The following GRID2 variants were observed in gnomAD, a reference collection of about 807,000 sequenced individuals.
The protein encoded by GRID2 is glutamate ionotropic receptor delta type subunit 2, also known as glutamate receptor ionotropic, delta-2.
In GRID2, 33 loss-of-function variants were observed where a neutral mutation model predicts 114.8. That is an observed-to-expected ratio of 0.29 (90% CI 0.22 to 0.38). The LOEUF (loss-of-function observed/expected upper bound fraction) is 0.38. GRID2 is among the 10% of genes least tolerant of loss of function. The pLI, the probability that GRID2 is intolerant of heterozygous loss-of-function variation, is 1.00. For missense variants in GRID2, 1,184 were observed against 1,257.7 expected (o/e 0.94, Z 0.89); for synonymous variants, 505 against 449.9 (o/e 1.12, Z -1.55).
intron 1 of GRID2, among the ~76,000 whole-genome samples, chr4:92,580,827 A>G (rs1054650827): frequency 2.6e-5 from 4 of 151,928 alleles, no homozygotes; most frequent in African/African-American, 9.7e-5. Context: ...TTCTAAAAAT[A>G]TCTGCAACTT....
chr4:92,942,229 C>A (rs1375383512), intron 2 of GRID2, among the ~76,000 whole-genome samples: 1 of 152,020 alleles, frequency 6.6e-6, no homozygotes, highest in Non-Finnish European at 1.5e-5. Context: ...TCACTAAGGA[C>A]TTGCTTTATG....
At chr4:93,463,064 T>A (rs768085364) in intron 11 of GRID2, among the ~76,000 whole-genome samples, 3 of 152,190 alleles carry the variant, frequency 2.0e-5, no homozygotes, top group Non-Finnish European at 4.4e-5. Context: ...TAATTATGAT[T>A]GGCAGTCCTT....
intron 10 of GRID2, among the ~76,000 whole-genome samples, chr4:93,445,285 C>T (rs769084911): frequency 2.0e-5 from 3 of 151,858 alleles, no homozygotes; most frequent in Admixed American, 6.6e-5. Flanking sequence ...GCTCTGGAAG[C>T]GTGATAAACC....
intron 1 of GRID2, among the ~76,000 whole-genome samples, chr4:92,443,433 G>A (rs373699037): frequency 6.6e-6 from 1 of 151,696 alleles, no homozygotes; most frequent in Non-Finnish European, 1.5e-5. Context: ...AGGGTGGAAG[G>A]TTGCCCATAG....
At chr4:92,427,238 G>C (rs11942235) in intron 1 of GRID2, among the ~76,000 whole-genome samples, 49,137 of 151,864 alleles carry the variant, frequency 0.32, 8,301 homozygotes, top group African/African-American at 0.41. Context: ...GCTTTAGTGG[G>C]TTCCAATTAT....
intron 2 of GRID2, among the ~76,000 whole-genome samples, chr4:92,878,114 G>A (rs1027417779): frequency 7.2e-5 from 11 of 152,166 alleles, no homozygotes; most frequent in Non-Finnish European, 1.5e-4. Flanking sequence ...TTCTTCTACA[G>A]AGAAGAGTTT....
At chr4:93,115,447 A>G (rs1187995320) in intron 4 of GRID2, among the ~76,000 whole-genome samples, 3 of 126,186 alleles carry the variant, frequency 2.4e-5, no homozygotes, top group Non-Finnish European at 5.2e-5. Flanking sequence ...TCTTACATAA[A>G]TAGTTATGTA....
At chr4:93,003,075 C>A (rs999179815) in intron 2 of GRID2, among the ~76,000 whole-genome samples, 1 of 151,772 alleles carries the variant, frequency 6.6e-6, no homozygotes, top group African/African-American at 2.4e-5. Context: ...CTCCACATCC[C>A]AAGAATCTTA....
At position 92,698,162 on chromosome 4, in the gene GRID2, A is replaced by T. The variant is rs562546540; in HGVS notation, c.244+107876A>T. ...TGTCTTTCTGTCTAAATGCTGCCTA[A>T]GATCCTTGGCTTGGCATATGTGACA... On this transcript the variant is annotated intron_variant, in intron 2 of 15. Transcript: ENST00000282020. Among the ~76,000 whole-genome samples, 6 of 152,244 alleles carry T rather than the reference A, an allele frequency of 3.9e-5. No homozygotes were observed. In the South Asian group the frequency reaches 1.2e-3, roughly 32 times the overall value.
chr4:93,304,164 G>A (rs1331636891), intron 8 of GRID2, among the ~76,000 whole-genome samples: 1 of 150,320 alleles, frequency 6.7e-6, no homozygotes, highest in Non-Finnish European at 1.5e-5. Flanking sequence ...GAAAACCTGT[G>A]TACTTAACTT....
intron 13 of GRID2, among the ~76,000 whole-genome samples, chr4:93,546,800 A>T (rs1733259978): frequency 2.0e-5 from 3 of 151,496 alleles, no homozygotes; most frequent in African/African-American, 7.3e-5. Context: ...CTCTATTCTA[A>T]TTTTTTTTTA....
At chr4:93,717,057 G>A (rs886461647) in intron 14 of GRID2, among the ~76,000 whole-genome samples, 5 of 151,962 alleles carry the variant, frequency 3.3e-5, no homozygotes, top group African/African-American at 1.2e-4. Context: ...AAGATTTCCT[G>A]CTAACTATTC....
intron 8 of GRID2, among the ~76,000 whole-genome samples, chr4:93,362,807 G>C (rs1761997455): frequency 6.6e-6 from 1 of 152,128 alleles, no homozygotes; most frequent in Non-Finnish European, 1.5e-5. Context: ...CTTTGTGCCT[G>C]TGAATCCCAG....
At position 93,490,786 on chromosome 4, in the gene GRID2, A is replaced by T. The variant is rs1726919239; in HGVS notation, c.1997+9A>T. 1 of 1,598,722 alleles carries T rather than the reference A, an allele frequency of 6.3e-7. No individual in the cohort carries two copies. Among genetic ancestry groups the T allele is most frequent in the African/African-American group, 1.3e-5 (1 of 74,414 alleles). On this transcript the variant is annotated intron_variant, in intron 12 of 15. Transcript: ENST00000282020. ...ATTGAAAGTTCCATCCAGTAAGTAA[A>T]CAATGTTTCCATTAGCCACAAAATA...
intron 13 of GRID2, 41 bp from the exon 14 acceptor site, chr4:93,626,228 T>C: frequency 8.3e-7 from 1 of 1,201,894 alleles, no homozygotes; most frequent in Non-Finnish European, 1.2e-6. Flanking sequence ...AAATTCCAAC[T>C]TTAAACCCTA....
chr4:93,098,893 C>T (rs1208630132), intron 3 of GRID2, among the ~76,000 whole-genome samples: 6 of 151,582 alleles, frequency 4.0e-5, no homozygotes, highest in Admixed American at 6.6e-5. Context: ...ACCTCTACTT[C>T]TATTCATGTG....
chr4:92,499,571 A>G (rs1723567264), intron 1 of GRID2, among the ~76,000 whole-genome samples: 1 of 152,162 alleles, frequency 6.6e-6, no homozygotes, highest in African/African-American at 2.4e-5. Context: ...TTTTAAATAA[A>G]TAGTGTAGGT....
chr4:93,760,637 C>T (rs1489892728), intron 14 of GRID2, among the ~76,000 whole-genome samples: 1 of 152,200 alleles, frequency 6.6e-6, no homozygotes, highest in African/African-American at 2.4e-5. Flanking sequence ...AGTACTAACA[C>T]ACTGTCATTC....
At chr4:93,718,480 G>A (rs1420510123) in intron 14 of GRID2, among the ~76,000 whole-genome samples, 1 of 152,120 alleles carries the variant, frequency 6.6e-6, no homozygotes, top group Non-Finnish European at 1.5e-5. Flanking sequence ...AAAAAGCCAA[G>A]GATACCTTCT....
Sources: allele counts gnomAD v4.1 joint callset (sites outside exome capture counted in the v4.1 genomes callset), GRCh38; gene constraint gnomAD v4.1.1; transcripts MANE v1.5; gene names NCBI Gene and HGNC (gene_info 2026-07-23, HGNC 2026-07-21).